The following MSANTD7 variants were observed in gnomAD, a reference collection of about 807,000 sequenced individuals.
MSANTD7 encodes zinc finger and SCAN domain containing 29.
At chr10:14,838,986 A>G in the MSANTD7 span, among the ~76,000 whole-genome samples, 1 of 152,138 alleles carries the variant, frequency 6.6e-6, no homozygotes, top group African/African-American at 2.4e-5. Flanking sequence ...GGGCCGCAGA[A>G]CGCGCTGAGC....
the MSANTD7 span, chr10:14,842,153 A>G: frequency 2.0e-6 from 3 of 1,534,490 alleles, no homozygotes; most frequent in African/African-American, 4.1e-5. This position sits in a 1 kb window ranked among gnomAD's most constrained non-coding sequence, Gnocchi z 5.2. Flanking sequence ...CGGTCCTTGG[A>G]CCTGGCTTCT....
At chr10:14,844,030 A>G in the MSANTD7 span, 71 of 1,442,666 alleles carry the variant, frequency 4.9e-5, no homozygotes, top group Admixed American at 8.5e-5. Flanking sequence ...ATAGTATGAA[A>G]ATAATTGCTA....
chr10:14,838,667 G>A, the MSANTD7 span: 3 of 527,782 alleles, frequency 5.7e-6, no homozygotes, highest in Non-Finnish European at 9.9e-6. Context: ...CCGCGGCGGA[G>A]GCTCGCGGCG....
chr10:14,840,186 T>A, the MSANTD7 span: 1 of 1,086,806 alleles, frequency 9.2e-7, no homozygotes, highest in Non-Finnish European at 1.3e-6. Flanking sequence ...CTTTTAAATA[T>A]GGTAATAGGA....
At chr10:14,845,599 T>TTA in the MSANTD7 span, 400 of 361,642 alleles carry the variant, frequency 1.1e-3, no homozygotes, top group Middle Eastern at 1.4e-3. Context: ...ATTATTATTA[T>TTA]TTTTTTTTTT....
At chr10:14,844,004 A>G in the MSANTD7 span, 1 of 1,467,956 alleles carries the variant, frequency 6.8e-7, no homozygotes, top group Non-Finnish European at 8.9e-7. Context: ...AACATGGATG[A>G]ACCATTTATA....
the MSANTD7 span, chr10:14,842,372 A>T: frequency 6.5e-7 from 1 of 1,536,190 alleles, no homozygotes; most frequent in Non-Finnish European, 8.7e-7. This position sits in a 1 kb window ranked among gnomAD's most constrained non-coding sequence, Gnocchi z 5.2. Flanking sequence ...GGCAGAGTAT[A>T]TTCAGCGCCT....
chr10:14,842,983 A>G, the MSANTD7 span: 4 of 724,634 alleles, frequency 5.5e-6, no homozygotes. This position sits in a 1 kb window ranked among gnomAD's most constrained non-coding sequence, Gnocchi z 5.2. Context: ...CTTTTCAAAA[A>G]CCTAATAGTA....
At chr10:14,838,605 G>A in the MSANTD7 span, 12 of 745,772 alleles carry the variant, frequency 1.6e-5, no homozygotes, top group Admixed American at 2.0e-4. Context: ...GGAGCGAAGG[G>A]CCGGGCAGGC....
the MSANTD7 span, chr10:14,844,775 A>G: frequency 1.0e-6 from 1 of 984,684 alleles, no homozygotes; most frequent in African/African-American, 1.7e-5. Context: ...TTATATGCCT[A>G]AATTACATCT....
At chr10:14,838,444 T>C in the MSANTD7 span, 2 of 1,606,046 alleles carry the variant, frequency 1.2e-6, no homozygotes, top group South Asian at 1.1e-5. Context: ...CCTCAGCCTG[T>C]GTGGCCGTCT....
At chr10:14,843,701 A>C in the MSANTD7 span, 1 of 1,540,638 alleles carries the variant, frequency 6.5e-7, no homozygotes. Flanking sequence ...TCAAAGCGGG[A>C]GGAAGAAAAA....
At chr10:14,843,892 T>G in the MSANTD7 span, 1 of 1,536,202 alleles carries the variant, frequency 6.5e-7, no homozygotes, top group Admixed American at 2.0e-5. Flanking sequence ...TACCAAAAGC[T>G]AGGAACCAAT....
the MSANTD7 span, chr10:14,844,980 T>G: frequency 1.0e-6 from 1 of 985,488 alleles, no homozygotes; most frequent in Non-Finnish European, 1.2e-6. Context: ...CAGAAGTTTA[T>G]GTAGTTAATG....
At chr10:14,838,345 G>C in the MSANTD7 span, 1 of 1,522,406 alleles carries the variant, frequency 6.6e-7, no homozygotes. Flanking sequence ...TTGGGCGGCC[G>C]GTAGCTGTTG....
chr10:14,838,337 G>A, the MSANTD7 span: 2 of 1,489,250 alleles, frequency 1.3e-6, no homozygotes, highest in South Asian at 1.2e-5. Context: ...TGGGGCCGTT[G>A]GGCGGCCGGT....
At chr10:14,838,444 T>G in the MSANTD7 span, 1 of 1,606,046 alleles carries the variant, frequency 6.2e-7, no homozygotes, top group Non-Finnish European at 8.5e-7. Flanking sequence ...CCTCAGCCTG[T>G]GTGGCCGTCT....
At chr10:14,842,252 C>T in the MSANTD7 span, 1 of 1,535,224 alleles carries the variant, frequency 6.5e-7, no homozygotes, top group African/African-American at 1.4e-5. The surrounding 1 kb of genome is among the most constrained non-coding windows in gnomAD (Gnocchi z 5.2). Context: ...CCTTGCTGTC[C>T]AGAAGCTGCC....
the MSANTD7 span, chr10:14,843,400 A>C: frequency 6.4e-7 from 1 of 1,550,838 alleles, no homozygotes; most frequent in African/African-American, 1.4e-5. Flanking sequence ...CAGCTACAGC[A>C]GCTCCCACAG....
Sources: allele counts gnomAD v4.1 joint callset (sites outside exome capture counted in the v4.1 genomes callset), GRCh38; gene constraint gnomAD v4.1.1; non-coding constraint Gnocchi (gnomAD v3.1); transcripts MANE v1.5; gene names NCBI Gene and HGNC (gene_info 2026-07-23, HGNC 2026-07-21).